Variants in MAST4 observed in about 807,000 individuals in gnomAD.
The protein encoded by MAST4 is microtubule associated serine/threonine kinase family member 4.
MAST4 carries 89 observed loss-of-function variants against 162.7 expected under a neutral mutation model. The ratio of observed to expected loss-of-function variants is 0.55; its 90% confidence interval spans 0.46 to 0.65. The LOEUF is 0.65. Ranked by LOEUF, MAST4 falls within the 30% of genes least tolerant of loss-of-function variation. MAST4 has a pLI of 0.00. For synonymous variants in MAST4, 1,479 were observed against 1,361.1 expected (o/e 1.09, Z -1.91); for missense variants, 3,153 against 3,374.0 (o/e 0.93, Z 1.62).
intron 1 of MAST4, among the ~76,000 whole-genome samples, chr5:66,674,999 G>A (rs76970699): frequency 8.5e-4 from 129 of 152,310 alleles, no homozygotes; most frequent in African/African-American, 3.0e-3. Flanking sequence ...CTGAGGGAAT[G>A]GAGGCATTAG....
At chr5:66,624,288 G>T (rs1485757211) in intron 1 of MAST4, among the ~76,000 whole-genome samples, 2 of 151,182 alleles carry the variant, frequency 1.3e-5, no homozygotes. Flanking sequence ...CAGCAGCTGG[G>T]ACTACAGGTG....
intron 1 of MAST4, among the ~76,000 whole-genome samples, chr5:66,626,943 T>C (rs906089517): frequency 6.6e-6 from 1 of 152,176 alleles, no homozygotes; most frequent in Admixed American, 6.5e-5. Context: ...AGGCACTTCA[T>C]GACTTACAGG....
At chr5:66,886,152 G>A (rs967802377) in intron 3 of MAST4, among the ~76,000 whole-genome samples, 2 of 152,202 alleles carry the variant, frequency 1.3e-5, no homozygotes, top group African/African-American at 4.8e-5. Context: ...CTGAAGCTCT[G>A]CCACCTCAAC....
intron 2 of MAST4, among the ~76,000 whole-genome samples, chr5:66,764,119 CAAG>C (rs1753976355): frequency 6.6e-6 from 1 of 152,154 alleles, no homozygotes; most frequent in African/African-American, 2.4e-5. Context: ...TGGTAGACAA[CAAG>C]AAGTATTTTT....
intron 1 of MAST4, among the ~76,000 whole-genome samples, chr5:66,670,470 A>C (rs1311215788): frequency 6.6e-6 from 1 of 152,200 alleles, no homozygotes. Flanking sequence ...GGATTGTGGA[A>C]GCCATTTAAT....
intron 5 of MAST4, among the ~76,000 whole-genome samples, chr5:67,059,969 T>C (rs759379042): frequency 3.9e-5 from 6 of 152,146 alleles, no homozygotes; most frequent in African/African-American, 7.2e-5. Flanking sequence ...AACATTTTCA[T>C]GCATATCCCT....
intron 4 of MAST4, among the ~76,000 whole-genome samples, chr5:67,050,847 A>T (rs1420992225): frequency 6.6e-6 from 1 of 152,188 alleles, no homozygotes; most frequent in African/African-American, 2.4e-5. Flanking sequence ...CAACTGGAGA[A>T]CTGATAGAGG....
chr5:67,138,027 AC>A (rs1251799390), intron 19 of MAST4, among the ~76,000 whole-genome samples: 1 of 152,164 alleles, frequency 6.6e-6, no homozygotes, highest in East Asian at 1.9e-4. Context: ...GGTTGAGTGG[AC>A]TTTTAACCTG....
At chr5:66,788,836 C>A (rs1580453365) in intron 3 of MAST4, 42 bp downstream of exon 3, 1 of 1,509,808 alleles carries the variant, frequency 6.6e-7, no homozygotes, top group Non-Finnish European at 8.8e-7. Flanking sequence ...TCCAGCTCAC[C>A]ACCTCTCTAG....
At chr5:66,864,444 C>T (rs1760344004) in intron 3 of MAST4, among the ~76,000 whole-genome samples, 1 of 152,126 alleles carries the variant, frequency 6.6e-6, no homozygotes, top group Admixed American at 6.5e-5. Context: ...TCCAGACAGG[C>T]CGCCAGGCTG....
chr5:67,008,891 A>G (rs768577219), intron 4 of MAST4, among the ~76,000 whole-genome samples: 2 of 152,170 alleles, frequency 1.3e-5, no homozygotes, highest in Non-Finnish European at 2.9e-5. Flanking sequence ...TCTTCCCTTC[A>G]GATACATCTG....
intron 6 of MAST4, among the ~76,000 whole-genome samples, chr5:67,092,855 G>C (rs932490173): frequency 6.6e-6 from 1 of 152,174 alleles, no homozygotes; most frequent in South Asian, 2.1e-4. Flanking sequence ...GTCATTTCCA[G>C]ATGATCCTGT....
intron 4 of MAST4, among the ~76,000 whole-genome samples, chr5:66,940,130 T>C (rs1486041646): frequency 6.6e-6 from 1 of 152,134 alleles, no homozygotes; most frequent in Non-Finnish European, 1.5e-5. Flanking sequence ...CACACACACA[T>C]ATCTTAATTT....
chr5:66,987,529 G>A (rs917957927), intron 4 of MAST4, among the ~76,000 whole-genome samples: 21 of 151,806 alleles, frequency 1.4e-4, no homozygotes, highest in Non-Finnish European at 2.4e-4. Context: ...CCTAAAGTAT[G>A]GTGTTTAATT....
chr5:66,648,063 TGTGTGTGTGTGTGTGTGTGTGAGA>T (rs1745968201), intron 1 of MAST4, among the ~76,000 whole-genome samples: 1 of 132,424 alleles, frequency 7.6e-6, no homozygotes, highest in Non-Finnish European at 1.6e-5. Context: ...TGTGTGTGTG[TGTGTGTGTGTGTGTGTGTGTGAGA>T]GAGAGAGAGA....
chr5:66,718,077 A>G (rs1428491835), intron 1 of MAST4, among the ~76,000 whole-genome samples: 1 of 146,132 alleles, frequency 6.8e-6, no homozygotes, highest in Non-Finnish European at 1.5e-5. Context: ...GTGTGCTTTA[A>G]AAAAAAAATG....
intron 4 of MAST4, among the ~76,000 whole-genome samples, chr5:67,048,534 A>T (rs77341849): frequency 0.017 from 2,583 of 152,286 alleles, 85 homozygotes; most frequent in African/African-American, 0.059. Flanking sequence ...TTAAAATCAG[A>T]CATATATGAA....
At chr5:66,950,226 TTTTTTC>T (rs1481613832) in intron 4 of MAST4, among the ~76,000 whole-genome samples, 1 of 133,358 alleles carries the variant, frequency 7.5e-6, no homozygotes, top group Non-Finnish European at 1.5e-5. Flanking sequence ...AGTATACTTT[TTTTTTC>T]TTTTTTTTTC....
At chr5:66,838,133 T>C (rs1050774102) in intron 3 of MAST4, among the ~76,000 whole-genome samples, 9 of 151,740 alleles carry the variant, frequency 5.9e-5, no homozygotes, top group Non-Finnish European at 1.3e-4. Context: ...GTTTTTAAAA[T>C]TGCTGGACAT....
Sources: allele counts gnomAD v4.1 joint callset (sites outside exome capture counted in the v4.1 genomes callset), GRCh38; gene constraint gnomAD v4.1.1; transcripts MANE v1.5; gene names NCBI Gene and HGNC (gene_info 2026-07-23, HGNC 2026-07-21).